The following OSBPL6 variants were observed in gnomAD, a reference collection of about 807,000 sequenced individuals.
OSBPL6 encodes oxysterol binding protein like 6, also known as oxysterol-binding protein-related protein 6.
OSBPL6 carries 49 observed loss-of-function variants against 125.8 expected under a neutral mutation model. That is an observed-to-expected ratio of 0.39 (90% CI 0.31 to 0.49). The LOEUF is 0.49. OSBPL6 is among the 20% of genes least tolerant of loss of function. The pLI is 0.88. For synonymous variants in OSBPL6, 394 were observed against 391.8 expected (o/e 1.01, Z -0.07); for missense variants, 986 against 1,135.4 (o/e 0.87, Z 1.89).
At chr2:178,279,409 G>T (rs762904606) in intron 1 of OSBPL6, among the ~76,000 whole-genome samples, 2 of 152,218 alleles carry the variant, frequency 1.3e-5, no homozygotes, top group Non-Finnish European at 2.9e-5. Flanking sequence ...AGGAACCATT[G>T]CCAAGTCACT....
At chr2:178,355,533 C>G (rs1317727084) in intron 12 of OSBPL6, among the ~76,000 whole-genome samples, 1 of 152,112 alleles carries the variant, frequency 6.6e-6, no homozygotes, top group Non-Finnish European at 1.5e-5. Context: ...CCAAGACAAA[C>G]CAGGAAGAAG....
intron 12 of OSBPL6, among the ~76,000 whole-genome samples, chr2:178,352,709 C>G (rs1429625661): frequency 6.6e-6 from 1 of 152,218 alleles, no homozygotes; most frequent in Non-Finnish European, 1.5e-5. Context: ...TTAAACGTCC[C>G]TGTCTGATAG....
intron 3 of OSBPL6, among the ~76,000 whole-genome samples, chr2:178,308,039 A>T (rs565731569): frequency 6.6e-6 from 1 of 152,192 alleles, no homozygotes; most frequent in Non-Finnish European, 1.5e-5. Context: ...TACATGGATA[A>T]TGAGTTCTAG....
chr2:178,350,614 T>C (rs978272751), intron 12 of OSBPL6, among the ~76,000 whole-genome samples: 3 of 152,204 alleles, frequency 2.0e-5, no homozygotes, highest in African/African-American at 7.2e-5. Context: ...CAATTGAGAC[T>C]CTTCTGTAAG....
At position 178,358,658 on chromosome 2, in the gene OSBPL6, G is replaced by A. The variant is rs144132088; in HGVS notation, c.1154-3024G>A. On this transcript the variant is annotated intron_variant, in intron 12 of 24. Coordinates refer to ENST00000190611, the MANE Select transcript of OSBPL6 (RefSeq NM_032523.4). ...AACTATAAAACTCCTAGAAGAAAAC[G>A]TAGAGCAAAAGCTCCTTGACATTGT... is the stretch of plus-strand genomic sequence containing the variant. Among the ~76,000 whole-genome samples, 325 of 152,184 alleles carry A rather than the reference G, an allele frequency of 2.1e-3. 1 individual carries two copies. Among genetic ancestry groups the A allele is most frequent in the African/African-American group, 7.2e-3 (301 of 41,540 alleles).
At chr2:178,260,052 C>T (rs2092008319) in intron 1 of OSBPL6, among the ~76,000 whole-genome samples, 1 of 152,160 alleles carries the variant, frequency 6.6e-6, no homozygotes, top group South Asian at 2.1e-4. Flanking sequence ...TATTCTTCTT[C>T]ATTAATTGGA....
chr2:178,208,041 T>TC (rs2089630060), intron 1 of OSBPL6, among the ~76,000 whole-genome samples: 1 of 152,046 alleles, frequency 6.6e-6, no homozygotes, highest in Non-Finnish European at 1.5e-5. Context: ...TCCCAGCACT[T>TC]CGGGAGGTCA....
In OSBPL6 at chr2:178,399,263, T is replaced by G. The variant is rs560606735; in HGVS notation, c.*3704T>G. 9 of 152,048 alleles carry G rather than the reference T, an allele frequency of 5.9e-5. No individual in the cohort carries two copies. Among genetic ancestry groups the G allele is most frequent in the Admixed American group, 1.3e-4 (2 of 15,260 alleles). The allele number at this position is 152,048 out of a possible 1,614,324, so 9.4% of individuals were successfully genotyped here. The stretch of plus-strand genomic sequence containing the variant: ...GGAGTTAAGATTAAAGTATTTGGGG[T>G]TTTTTTTCCCCAAAAGCTTCCCAGT... On this transcript the variant is annotated 3_prime_UTR_variant, in exon 25 of 25. Coordinates refer to ENST00000190611, the MANE Select transcript of OSBPL6 (RefSeq NM_032523.4).
chr2:178,336,002 T>G (rs1689650012), intron 8 of OSBPL6, among the ~76,000 whole-genome samples: 1 of 152,206 alleles, frequency 6.6e-6, no homozygotes, highest in Non-Finnish European at 1.5e-5. Flanking sequence ...AAATACAATT[T>G]ACTCAGCGAT....
rs954995518 is a variant in OSBPL6, at chr2:178,401,517, C to T, written c.*5958C>T. Reference sequence around the variant, plus strand: ...TATATCCGGAGCCTAAAAGTTTGCTCAAAAGTAGAAAACTTTCCAGACAAG... The same window carrying T: ...TATATCCGGAGCCTAAAAGTTTGCTTAAAAGTAGAAAACTTTCCAGACAAG... On this transcript the variant is annotated 3_prime_UTR_variant, in exon 25 of 25. Transcript: ENST00000190611. 2 of 152,142 alleles carry T rather than the reference C, an allele frequency of 1.3e-5. No homozygotes were observed. Among genetic ancestry groups the T allele is most frequent in the Non-Finnish European group, 2.9e-5 (2 of 68,032 alleles). The allele number at this position is 152,142 out of a possible 1,614,324, so 9.4% of individuals were successfully genotyped here. A position where few individuals can be genotyped will look rare whatever the true frequency, so the allele number is the denominator to read the frequency against.
chr2:178,208,914 G>C (rs965573832), intron 1 of OSBPL6, among the ~76,000 whole-genome samples: 2 of 134,278 alleles, frequency 1.5e-5, no homozygotes, highest in African/African-American at 5.3e-5. Context: ...TCTCATTCTT[G>C]ATTTATAGTC....
intron 1 of OSBPL6, among the ~76,000 whole-genome samples, chr2:178,203,544 T>G (rs116724212): frequency 0.018 from 2,713 of 152,306 alleles, 81 homozygotes; most frequent in African/African-American, 0.061. Flanking sequence ...CTAATTCTAA[T>G]CTTTGTGACA....
intron 1 of OSBPL6, among the ~76,000 whole-genome samples, chr2:178,199,471 GGGCCAAATCCTAT>G (rs944115881): frequency 6.6e-6 from 1 of 152,066 alleles, no homozygotes; most frequent in Non-Finnish European, 1.5e-5. Context: ...CTTAGGTTTG[GGGCCAAATCCTAT>G]GGTTGCCTGG....
intron 1 of OSBPL6, among the ~76,000 whole-genome samples, chr2:178,201,017 A>G (rs1049761433): frequency 6.6e-6 from 1 of 151,840 alleles, no homozygotes; most frequent in Non-Finnish European, 1.5e-5. Flanking sequence ...GATGGTCTTG[A>G]TCTCCTGACC....
intron 1 of OSBPL6, among the ~76,000 whole-genome samples, chr2:178,209,338 T>C (rs2089718018): frequency 6.6e-6 from 1 of 152,104 alleles, no homozygotes; most frequent in African/African-American, 2.4e-5. Context: ...TCCTCAACTT[T>C]ATTTCCCTTT....
chr2:178,367,005 T>G (rs1426186902), intron 13 of OSBPL6, among the ~76,000 whole-genome samples: 1 of 152,236 alleles, frequency 6.6e-6, no homozygotes, highest in African/African-American at 2.4e-5. Flanking sequence ...GGCAGTATTA[T>G]TTATACTAGT....
intron 1 of OSBPL6, chr2:178,230,447 C>G (rs533270036): frequency 1.3e-5 from 2 of 152,318 alleles, no homozygotes; most frequent in East Asian, 3.9e-4. Context: ...CACTGGCATA[C>G]TGGGTTCCTC....
intron 2 of OSBPL6, among the ~76,000 whole-genome samples, chr2:178,292,745 A>C (rs954768845): frequency 7.2e-5 from 11 of 152,142 alleles, no homozygotes; most frequent in African/African-American, 2.7e-4. Context: ...AACAAGACAG[A>C]TGAGGTCTCT....
At chr2:178,201,536 G>C (rs777494071) in intron 1 of OSBPL6, among the ~76,000 whole-genome samples, 1 of 152,114 alleles carries the variant, frequency 6.6e-6, no homozygotes, top group Non-Finnish European at 1.5e-5. Flanking sequence ...CACAGCACGC[G>C]GCAAGAGACA....
Sources: gnomAD v4.1 joint callset for allele counts (sites outside exome capture counted in the v4.1 genomes callset) on GRCh38, gnomAD v4.1.1 for gene constraint, MANE v1.5 for transcripts, NCBI Gene and HGNC (gene_info 2026-07-23, HGNC 2026-07-21) for gene names.